Variants in CD8B2 observed in about 807,000 individuals in gnomAD.
CD8B2 encodes T-cell surface glycoprotein CD8 beta-2 chain.
In CD8B2, 11 loss-of-function variants were observed where a neutral mutation model predicts 23.7. That is an observed-to-expected ratio of 0.46 (90% CI 0.29 to 0.77). The LOEUF is 0.77. Ranked by LOEUF, CD8B2 falls within the 30% of genes least tolerant of loss-of-function variation. The pLI is 0.09. For synonymous variants in CD8B2, 90 were observed against 109.3 expected, an observed-to-expected ratio of 0.82 and a Z score of 1.10; for missense variants, 197 against 270.5, an observed-to-expected ratio of 0.73 and a Z score of 1.91.
Position 106,508,362 on chromosome 2 carries a change from G to C in CD8B2, c.*1422G>C, listed in dbSNP as rs543916746. On this transcript the variant is annotated 3_prime_UTR_variant, in exon 6 of 6. Coordinates refer to ENST00000643224, the MANE Select transcript of CD8B2 (RefSeq NM_001349727.2). Reference sequence around the variant, plus strand: ...ACAAAAAAAACAGGAAAGGAAAGACGACTCTGGGGAAGGGGCAGTGGGACC... The same window carrying C: ...ACAAAAAAAACAGGAAAGGAAAGACCACTCTGGGGAAGGGGCAGTGGGACC... The C allele has an allele frequency of 7.9e-5, 12 of 152,120 alleles. No individual in the cohort carries two copies. The East Asian group carries it at 2.1e-3, about 27-fold the overall frequency. 9.4% of individuals were successfully genotyped at this position (152,120 alleles called of 1,614,324 possible). A position where few individuals can be genotyped will look rare whatever the true frequency, so the allele number is the denominator to read the frequency against.
At chr2:106,525,984 G>A (rs374065166) in intron 5 of CD8B2, among the ~76,000 whole-genome samples, 3 of 152,344 alleles carry the variant, frequency 2.0e-5, no homozygotes, top group South Asian at 4.1e-4. Flanking sequence ...GCTTACGCCT[G>A]TAATTCCAGG....
chr2:106,501,613 C>T (rs1367511726), intron 3 of CD8B2, among the ~76,000 whole-genome samples: 2 of 152,084 alleles, frequency 1.3e-5, no homozygotes, highest in East Asian at 1.9e-4. Context: ...ACCCAGAAGG[C>T]GGAGGTTGCA....
At chr2:106,538,924 G>GGTGTGACTGTTTATCT (rs1680132210) in intron 5 of CD8B2, among the ~76,000 whole-genome samples, 1 of 152,110 alleles carries the variant, frequency 6.6e-6, no homozygotes, top group Admixed American at 6.5e-5. Flanking sequence ...GCTTGTGCAC[G>GGTGTGACTGTTTATCT]GTGTGACTGT....
At chr2:106,489,346 A>G (rs1044106249) in intron 1 of CD8B2, among the ~76,000 whole-genome samples, 5 of 151,764 alleles carry the variant, frequency 3.3e-5, no homozygotes, top group East Asian at 3.9e-4. Context: ...AGAGTGGTCC[A>G]GGAGCGAAGT....
At chr2:106,497,001 G>C (rs1156376977) in intron 3 of CD8B2, among the ~76,000 whole-genome samples, 1 of 152,222 alleles carries the variant, frequency 6.6e-6, no homozygotes, top group East Asian at 1.9e-4. Context: ...TTGGCCAGAC[G>C]TGGTGGCTCA....
chr2:106,517,505 C>T (rs572622635), intron 5 of CD8B2, among the ~76,000 whole-genome samples: 3 of 152,140 alleles, frequency 2.0e-5, no homozygotes, highest in East Asian at 1.9e-4. Flanking sequence ...GGTCACCAGA[C>T]GGGAAATTAA....
downstream of CD8B2, among the ~76,000 whole-genome samples, chr2:106,515,020 C>T (rs1457870999): frequency 6.6e-6 from 1 of 152,228 alleles, no homozygotes; most frequent in African/African-American, 2.4e-5. Context: ...TCGAGCGCTA[C>T]AGCTTTGTGG....
chr2:106,494,151 A>C, intron 2 of CD8B2, among the ~76,000 whole-genome samples: 1 of 145,780 alleles, frequency 6.9e-6, no homozygotes. Context: ...ACAACCCCCC[A>C]ACACCTTTTT....
chr2:106,511,061 G>A lies in CD8B2; in HGVS notation c.*4121G>A, dbSNP rs1224531227. 3 of 152,082 alleles carry A rather than the reference G, an allele frequency of 2.0e-5. No individual in the cohort carries two copies. Among genetic ancestry groups the A allele is most frequent in the African/African-American group, 7.3e-5 (3 of 41,378 alleles). The allele number at this position is 152,082 out of a possible 1,614,324, so 9.4% of individuals were successfully genotyped here. A position where few individuals can be genotyped will look rare whatever the true frequency, so the allele number is the denominator to read the frequency against. ...TATTACTTTTGTAGTTGGGGAAAAAGCAATTAAAAGTTTGGAAAAAAAGAA... is the reference window on the plus strand; with the variant it reads ...TATTACTTTTGTAGTTGGGGAAAAAACAATTAAAAGTTTGGAAAAAAAGAA... On this transcript the variant is annotated 3_prime_UTR_variant, in exon 6 of 6. Transcript: ENST00000643224.
intron 5 of CD8B2, among the ~76,000 whole-genome samples, chr2:106,517,942 C>T (rs999477678): frequency 2.6e-5 from 4 of 152,118 alleles, no homozygotes; most frequent in Non-Finnish European, 4.4e-5. Context: ...TCTCGATCTC[C>T]TGACCTCGTG....
At chr2:106,496,903 G>C (rs913916044) in intron 3 of CD8B2, among the ~76,000 whole-genome samples, 1 of 152,064 alleles carries the variant, frequency 6.6e-6, no homozygotes, top group Non-Finnish European at 1.5e-5. Flanking sequence ...TTTAAACAAG[G>C]GGACTTTATG....
At chr2:106,501,237 A>G (rs1327390779) in intron 3 of CD8B2, among the ~76,000 whole-genome samples, 1 of 152,146 alleles carries the variant, frequency 6.6e-6, no homozygotes, top group Non-Finnish European at 1.5e-5. Context: ...ACTGATGACA[A>G]GTAACTCATG....
intron 5 of CD8B2, among the ~76,000 whole-genome samples, chr2:106,520,253 C>A (rs564143556): frequency 2.0e-4 from 31 of 152,286 alleles, no homozygotes; most frequent in African/African-American, 7.0e-4. Flanking sequence ...AATCTGTTTT[C>A]CTTAGCCATT....
chr2:106,498,345 A>C (rs1679338444), intron 3 of CD8B2, among the ~76,000 whole-genome samples: 1 of 151,892 alleles, frequency 6.6e-6, no homozygotes, highest in South Asian at 2.1e-4. Flanking sequence ...GCAGGGTTTC[A>C]CCATGTTGGC....
chr2:106,489,463 C>G (rs1292639379), intron 1 of CD8B2, among the ~76,000 whole-genome samples: 2 of 152,218 alleles, frequency 1.3e-5, no homozygotes, highest in South Asian at 4.2e-4. Flanking sequence ...GCTCAGTAAG[C>G]TGGCTCCTCT....
At chr2:106,522,959 G>C (rs776078475) in intron 5 of CD8B2, among the ~76,000 whole-genome samples, 8 of 152,046 alleles carry the variant, frequency 5.3e-5, no homozygotes, top group Non-Finnish European at 1.2e-4. Flanking sequence ...ACCCCCACTT[G>C]ACTTAAAGTT....
At chr2:106,520,075 C>A (rs182419962) in intron 5 of CD8B2, among the ~76,000 whole-genome samples, 2 of 152,262 alleles carry the variant, frequency 1.3e-5, no homozygotes, top group East Asian at 1.9e-4. Flanking sequence ...ACAGTGTAGA[C>A]CAACTTCAGT....
At chr2:106,488,906 C>T (rs868710243) in intron 1 of CD8B2, among the ~76,000 whole-genome samples, 5 of 152,160 alleles carry the variant, frequency 3.3e-5, no homozygotes, top group East Asian at 1.9e-4. Context: ...TCTGCTGGAA[C>T]GGCAGTGTGG....
chr2:106,520,313 C>T (rs1679804767), intron 5 of CD8B2, among the ~76,000 whole-genome samples: 1 of 152,162 alleles, frequency 6.6e-6, no homozygotes, highest in Admixed American at 6.5e-5. Context: ...TGAAAAATGA[C>T]AGAAGGTGCT....
Sources: allele counts gnomAD v4.1 joint callset (sites outside exome capture counted in the v4.1 genomes callset), GRCh38; gene constraint gnomAD v4.1.1; transcripts MANE v1.5; gene names NCBI Gene and HGNC (gene_info 2026-07-23, HGNC 2026-07-21).